The following CAD variants were observed in gnomAD, a reference collection of about 807,000 sequenced individuals.
The protein encoded by CAD is carbamoyl-phosphate synthetase 2, aspartate transcarbamylase, and dihydroorotase.
CAD carries 81 observed loss-of-function variants against 237.2 expected under a neutral mutation model. The ratio of observed to expected loss-of-function variants is 0.34; its 90% CI spans 0.29 to 0.41. CAD has a LOEUF of 0.41. Among genes scored for constraint, CAD ranks in the 10% least tolerant of loss-of-function variants. The pLI is 1.00. For synonymous variants in CAD, 1,196 were observed against 1,162.8 expected, an observed-to-expected ratio of 1.03 and a Z score of -0.58; for missense variants, 2,181 against 2,951.7, an observed-to-expected ratio of 0.74 and a Z score of 6.05.
Position 27,241,852 on chromosome 2 carries a change from C to A in CAD, c.5884-59C>A. The A allele has an allele frequency of 7.0e-7, 1 of 1,431,780 alleles. No individual in the cohort carries two copies. The highest frequency in any genetic ancestry group is 9.7e-7 in the Non-Finnish European group (1 of 1,025,874). 88.7% of individuals were successfully genotyped at this position (1,431,780 alleles called of 1,614,324 possible). A position where few individuals can be genotyped will look rare whatever the true frequency, so the allele number is the denominator to read the frequency against. ...TGTCAGTTGGGGTGGTGGTGCCTAGCTGGGGTTTCCCCAGGGTGGACACGC... is the reference window on the plus strand; with the variant it reads ...TGTCAGTTGGGGTGGTGGTGCCTAGATGGGGTTTCCCCAGGGTGGACACGC... On this transcript the variant is annotated intron_variant, in intron 38 of 43. Coordinates refer to ENST00000264705, the MANE Select transcript of CAD (RefSeq NM_004341.5). The surrounding 1 kb of genome is among the most constrained non-coding windows in gnomAD (Gnocchi z 4.6).
chr2:27,235,758 A>C lies in CAD; in HGVS notation c.4074+118A>C. ...CATATACCTGTAGTCCCAGATACTC[A>C]GGAGGCTAAGGCAGGAGAATCTCTT... On this transcript the variant is annotated intron_variant, in intron 25 of 43. Coordinates refer to ENST00000264705, the MANE Select transcript of CAD (RefSeq NM_004341.5). This position sits in a 1 kb window ranked among gnomAD's most constrained non-coding sequence, Gnocchi z 5.2. 7.7e-6 allele frequency: 6 copies of C among 779,470 alleles called. No individual in the cohort carries two copies. The South Asian group carries it at 1.0e-4, about 14-fold the overall frequency. 48.3% of individuals were successfully genotyped at this position (779,470 alleles called of 1,614,324 possible).
At position 27,226,571 on chromosome 2, in the gene CAD, T is replaced by C; in HGVS notation, c.2078T>C (p.Leu693Pro). ...VNARLSRSSA[L>P]ASKATGYPLA... ...GCCAGGCTCTCTCGCAGCTCTGCCC[T>C]GGCCAGTAAGGCCACAGGTTATCCA... Residue 693 changes from leucine to proline, a missense_variant, in exon 14 of 44, where the codon CTG becomes CCG. By Grantham distance (98) the Leu-to-Pro change is moderately conservative (BLOSUM62 -3). Coordinates refer to ENST00000264705, the MANE Select transcript of CAD (RefSeq NM_004341.5). 1 of 1,614,212 alleles carries C rather than the reference T, an allele frequency of 6.2e-7. No individual in the cohort carries two copies. The highest frequency in any genetic ancestry group is 8.5e-7 in the Non-Finnish European group (1 of 1,180,032).
chr2:27,239,613 T>C lies in CAD; in HGVS notation c.5395-84T>C. On this transcript the variant is annotated intron_variant, in intron 33 of 43. Transcript: ENST00000264705. This position sits in a 1 kb window ranked among gnomAD's most constrained non-coding sequence, Gnocchi z 4.0. ...GGTTGGGGGCACAGCTCCCCCAAGG[T>C]GCTTTTTGTCCTTGCTGACATCTAC... 8 of 1,480,242 alleles carry C rather than the reference T, an allele frequency of 5.4e-6. No individual in the cohort carries two copies. Among genetic ancestry groups the C allele is most frequent in the Non-Finnish European group, 7.4e-6 (8 of 1,078,242 alleles). 91.7% of individuals were successfully genotyped at this position (1,480,242 alleles called of 1,614,324 possible).
intron 15 of CAD, among the ~76,000 whole-genome samples, chr2:27,230,684 ATTG>A (rs756663640): frequency 1.3e-5 from 2 of 152,130 alleles, no homozygotes; most frequent in Non-Finnish European, 2.9e-5. Flanking sequence ...CTCTAAAATG[ATTG>A]TTGTAAATGT....
chr2:27,217,425 T>G lies in CAD; in HGVS notation c.-127T>G. Reference sequence around the variant, plus strand: ...GGCTCCTACGCTGCCGCGCCCGGCTTCTCTCCAGCGCCCCGCGCCGTTAGC... The same window carrying G: ...GGCTCCTACGCTGCCGCGCCCGGCTGCTCTCCAGCGCCCCGCGCCGTTAGC... On this transcript the variant is annotated 5_prime_UTR_variant, in exon 1 of 44. Coordinates refer to ENST00000264705, the MANE Select transcript of CAD (RefSeq NM_004341.5). 8.5e-6 allele frequency: 7 copies of G among 822,524 alleles called. No individual in the cohort carries two copies. The highest frequency in any genetic ancestry group is 1.4e-5 in the Non-Finnish European group (7 of 493,822). 51.0% of individuals were successfully genotyped at this position (822,524 alleles called of 1,614,324 possible). A position where few individuals can be genotyped will look rare whatever the true frequency, so the allele number is the denominator to read the frequency against.
At chr2:27,234,374 T>G in intron 22 of CAD, 144 bp from the exon 23 acceptor site, 1 of 1,102,586 alleles carries the variant, frequency 9.1e-7, no homozygotes, top group Non-Finnish European at 1.4e-6. Context: ...GAGCTCATGG[T>G]GTTGGGGCTT....
At position 27,232,565 on chromosome 2, in the gene CAD, T is replaced by C; in HGVS notation, c.2763T>C (p.Tyr921=). ...PAQTNYLYLT[Y]WGTTHDLTFR... is the part of the protein sequence containing the mutation. ...AGACAAATTACCTATACCTAACGTA[T>C]TGGGGCACCACCCATGACCTCACCT... Residue 921 remains tyrosine, a synonymous_variant, in exon 18 of 44, where the codon TAT becomes TAC. Coordinates refer to ENST00000264705, the MANE Select transcript of CAD (RefSeq NM_004341.5). The surrounding 1 kb of genome is among the most constrained non-coding windows in gnomAD (Gnocchi z 4.1). The C allele has an allele frequency of 6.2e-7, 1 of 1,614,172 alleles. No homozygotes were observed. The highest frequency in any genetic ancestry group is 8.5e-7 in the Non-Finnish European group (1 of 1,180,030).
At position 27,239,185 on chromosome 2, in the gene CAD, C is replaced by A; in HGVS notation, c.5206C>A (p.Pro1736Thr). 1 of 1,611,462 alleles carries A rather than the reference C, an allele frequency of 6.2e-7. No homozygotes were observed. Among genetic ancestry groups the A allele is most frequent in the South Asian group, 1.1e-5 (1 of 90,606 alleles). Reference sequence around the variant, plus strand: ...CCTGCTGCAGCGATTGCACCACAATCCTCGGCGCATCTTTCACCTGCCCCC... The same window carrying A: ...CCTGCTGCAGCGATTGCACCACAATACTCGGCGCATCTTTCACCTGCCCCC... The part of the protein sequence containing the change: ...DDLLQRLHHN[P>T]RRIFHLPPQE... Residue 1736 changes from proline to threonine, a missense_variant, in exon 32 of 44, where the codon CCT (proline) becomes ACT (threonine). Transcript: ENST00000264705. This position sits in a 1 kb window ranked among gnomAD's most constrained non-coding sequence, Gnocchi z 4.0.
intron 31 of CAD, 67 bp downstream of exon 31, chr2:27,238,699 G>A (rs1676145350): frequency 1.4e-6 from 2 of 1,451,364 alleles, no homozygotes; most frequent in South Asian, 2.6e-5. Flanking sequence ...GCAAGAAAAT[G>A]GGAAGCAGGC....
rs1170207696 is a variant in CAD at position 27,235,122 on chromosome 2, G to C, written c.3787-123G>C. 3 of 857,404 alleles carry C rather than the reference G, an allele frequency of 3.5e-6. No individual in the cohort carries two copies. The highest frequency in any genetic ancestry group is 1.9e-5 in the South Asian group (1 of 52,290). 53.1% of individuals were successfully genotyped at this position (857,404 alleles called of 1,614,324 possible). ...CGTTTGGAAAGCAGGAGGGCACACAGAGAGGGCAGGCTGACCCTGCCATTC... is the reference window on the plus strand; with the variant it reads ...CGTTTGGAAAGCAGGAGGGCACACACAGAGGGCAGGCTGACCCTGCCATTC... On this transcript the variant is annotated intron_variant, in intron 23 of 43. Coordinates refer to ENST00000264705, the MANE Select transcript of CAD (RefSeq NM_004341.5). This position sits in a 1 kb window ranked among gnomAD's most constrained non-coding sequence, Gnocchi z 5.2.
chr2:27,225,556 C>CCCA (rs1675407627), intron 11 of CAD, 149 bp from the exon 12 acceptor site: 5 of 656,232 alleles, frequency 7.6e-6, no homozygotes, highest in Non-Finnish European at 1.3e-5. Flanking sequence ...TCCACCCCCC[C>CCCA]GACCCTCGGC....
At position 27,234,640 on chromosome 2, in the gene CAD, G is replaced by A; in HGVS notation, c.3741G>A (p.Val1247=). ...CGCGGGTCATCATGGGGGAAGAAGT[G>A]GAACCTGTGGGGCTAATGACTGGTT... ...LATRVIMGEE[V]EPVGLMTGSG... Residue 1247 remains valine, a synonymous_variant, in exon 23 of 44, where the codon GTG becomes GTA. Coordinates refer to ENST00000264705, the MANE Select transcript of CAD (RefSeq NM_004341.5). 2 of 1,614,104 alleles carry A rather than the reference G, an allele frequency of 1.2e-6. No individual in the cohort carries two copies. Among genetic ancestry groups the A allele is most frequent in the Non-Finnish European group, 8.5e-7 (1 of 1,180,004 alleles).
At position 27,223,014 on chromosome 2, in the gene CAD, T is replaced by C. The variant is rs1359951582; in HGVS notation, c.786T>C (p.Ile262=). 1 of 1,613,976 alleles carries C rather than the reference T, an allele frequency of 6.2e-7. No homozygotes were observed. Among genetic ancestry groups the C allele is most frequent in the South Asian group, 1.1e-5 (1 of 91,074 alleles). ...GACACCAGCTATTGGCCTTAGCCATTGGGGCCAAGACTTACAAGATGAGGT... is the reference window on the plus strand; with the variant it reads ...GACACCAGCTATTGGCCTTAGCCATCGGGGCCAAGACTTACAAGATGAGGT... The part of the protein sequence containing the change: ...CLGHQLLALA[I]GAKTYKMRYG... Residue 262 remains isoleucine (I), a synonymous_variant, in exon 6 of 44, where the codon ATT becomes ATC. Transcript: ENST00000264705.
intron 11 of CAD, among the ~76,000 whole-genome samples, 199 bp from the exon 12 acceptor site, chr2:27,225,506 A>G (rs962781131): frequency 1.3e-5 from 2 of 151,034 alleles, no homozygotes; most frequent in South Asian, 2.1e-4. Context: ...GGGTTTCTCC[A>G]TGTTGGTCAG....
Position 27,236,044 on chromosome 2 carries a change from T to C in CAD, c.4075-240T>C, listed in dbSNP as rs1675987159. Among the ~76,000 whole-genome samples, 1 of 152,240 alleles carries C rather than the reference T, an allele frequency of 6.6e-6. No homozygotes were observed. Among genetic ancestry groups the C allele is most frequent in the Non-Finnish European group, 1.5e-5 (1 of 68,038 alleles). Reference sequence around the variant, plus strand: ...ATTTTTCCTTCCAGGATTTTCTCTGTGTACATGTGTGTGAGCTCATACTGC... The same window carrying C: ...ATTTTTCCTTCCAGGATTTTCTCTGCGTACATGTGTGTGAGCTCATACTGC... On this transcript the variant is annotated intron_variant, in intron 25 of 43. Coordinates refer to ENST00000264705, the MANE Select transcript of CAD (RefSeq NM_004341.5). This position sits in a 1 kb window ranked among gnomAD's most constrained non-coding sequence, Gnocchi z 4.1.
Position 27,236,920 on chromosome 2 carries a change from C to T in CAD, c.4396+90C>T. 9.6e-7 allele frequency: 1 copy of T among 1,046,952 alleles called. No individual in the cohort carries two copies. The highest frequency in any genetic ancestry group is 1.7e-5 in the Admixed American group (1 of 59,014). 64.9% of individuals were successfully genotyped at this position (1,046,952 alleles called of 1,614,324 possible). A position where few individuals can be genotyped will look rare whatever the true frequency, so the allele number is the denominator to read the frequency against. On this transcript the variant is annotated intron_variant, in intron 27 of 43. Transcript: ENST00000264705. The surrounding 1 kb of genome is among the most constrained non-coding windows in gnomAD (Gnocchi z 4.1). The stretch of plus-strand genomic sequence containing the variant: ...TGGTGAAGGATGGCTGGGGGGCCCA[C>T]TCTTTGTCCTGGACTGCACAGACTG...
Position 27,239,316 on chromosome 2 carries a change from A to T in CAD, c.5254-15A>T. On this transcript the variant is annotated splice_polypyrimidine_tract_variant and intron_variant, in intron 32 of 43. Transcript: ENST00000264705. The surrounding 1 kb of genome is among the most constrained non-coding windows in gnomAD (Gnocchi z 4.0). ...GGGGATCCTTTCCCTAGCATAACCCATGTCCTCTGGGCAGGTGGATCTGGA... is the reference window on the plus strand; with the variant it reads ...GGGGATCCTTTCCCTAGCATAACCCTTGTCCTCTGGGCAGGTGGATCTGGA... 6.2e-7 allele frequency: 1 copy of T among 1,610,680 alleles called. No homozygotes were observed. Among genetic ancestry groups the T allele is most frequent in the Non-Finnish European group, 8.5e-7 (1 of 1,177,304 alleles).
Position 27,236,880 on chromosome 2 carries a change from T to TAG in CAD, c.4396+54_4396+55dup. 6.7e-7 allele frequency: 1 copy of TAG among 1,484,944 alleles called. No individual in the cohort carries two copies. The highest frequency in any genetic ancestry group is 9.4e-7 in the Non-Finnish European group (1 of 1,062,228). The allele number at this position is 1,484,944 out of a possible 1,614,324, so 92.0% of individuals were successfully genotyped here. A position where few individuals can be genotyped will look rare whatever the true frequency, so the allele number is the denominator to read the frequency against. The stretch of plus-strand genomic sequence containing the variant: ...TTCTGAACACTGGCAGCCCCTGGCA[T>TAG]AGAGACCTGCAGTGTGGTGAAGGAT... On this transcript the variant is annotated intron_variant, in intron 27 of 43. Coordinates refer to ENST00000264705, the MANE Select transcript of CAD (RefSeq NM_004341.5). This position sits in a 1 kb window ranked among gnomAD's most constrained non-coding sequence, Gnocchi z 4.1.
intron 2 of CAD, among the ~76,000 whole-genome samples, chr2:27,218,395 C>T (rs1425063925): frequency 6.6e-6 from 1 of 152,070 alleles, no homozygotes; most frequent in Non-Finnish European, 1.5e-5. Context: ...AAGTTAAATC[C>T]GGTGGGCATG....
Sources: allele counts gnomAD v4.1 joint callset (sites outside exome capture counted in the v4.1 genomes callset), GRCh38; gene constraint gnomAD v4.1.1; non-coding constraint Gnocchi (gnomAD v3.1); transcripts MANE v1.5; gene names NCBI Gene and HGNC (gene_info 2026-07-23, HGNC 2026-07-21).